HTR1D: variants seen among roughly 807,000 people sequenced by gnomAD.
HTR1D encodes the protein 5-HT-1D.
A neutral mutation model predicts 21.1 loss-of-function variants in HTR1D; 18 were observed. That is an observed-to-expected ratio of 0.85 (90% CI 0.59 to 1.27). The LOEUF (loss-of-function observed/expected upper bound fraction) is 1.27. Among genes scored for constraint, HTR1D ranks in the 50% most tolerant of loss-of-function variants. The pLI is 0.00. For synonymous variants in HTR1D, 196 were observed against 204.4 expected, an observed-to-expected ratio of 0.96 and a Z score of 0.35; for missense variants, 456 against 481.4, an observed-to-expected ratio of 0.95 and a Z score of 0.49.
At chr1:23,215,854 G>C (rs1644771660) in intron 1 of HTR1D, among the ~76,000 whole-genome samples, 1 of 152,204 alleles carries the variant, frequency 6.6e-6, no homozygotes, top group Admixed American at 6.5e-5. Flanking sequence ...GGCTGCACTG[G>C]GACTTACTTG....
At chr1:23,214,402 G>A (rs964540123) in intron 1 of HTR1D, among the ~76,000 whole-genome samples, 3 of 152,100 alleles carry the variant, frequency 2.0e-5, no homozygotes, top group African/African-American at 7.3e-5. Context: ...ACTCTAGCCT[G>A]GGTGACAAAG....
chr1:23,203,329 C>T (rs1644717084), intron 1 of HTR1D, among the ~76,000 whole-genome samples: 1 of 152,118 alleles, frequency 6.6e-6, no homozygotes. Context: ...GAGGTGTAAG[C>T]AAATCAGTCT....
rs1222953137 is a variant in HTR1D at position 23,217,238 on chromosome 1, T to A, written c.-783+53A>T. Among the ~76,000 whole-genome samples the A allele has an allele frequency of 6.6e-6, 1 of 151,156 alleles. No homozygotes were observed. The highest frequency in any genetic ancestry group is 2.4e-5 in the African/African-American group (1 of 41,142). On this transcript the variant is annotated intron_variant, in intron 1 of 1. Coordinates refer to ENST00000374619, the MANE Select transcript of HTR1D (RefSeq NM_000864.5). This position sits in a 1 kb window ranked among gnomAD's most constrained non-coding sequence, Gnocchi z 4.6. ...GAGGGGCGCCGCTCCCGGCCTCAGT[T>A]CCCCGCGGACGGCCGCTGGGGCCAG...
chr1:23,193,875 C>G lies in HTR1D; in HGVS notation c.345G>C (p.Leu115=), dbSNP rs1220300798. The part of the protein sequence containing the change: ...NFGQILCDIW[L]SSDITCCTAS... ...CTGTGCAGCACGTGATGTCAGAGGA[C>G]AGCCAGATGTCACACAAGATTTGGC... Residue 115 remains leucine, a synonymous_variant, in exon 2 of 2, where the codon CTG becomes CTC. Transcript: ENST00000374619. The G allele has an allele frequency of 1.2e-6, 2 of 1,614,208 alleles. No homozygotes were observed. The highest frequency in any genetic ancestry group is 1.7e-6 in the Non-Finnish European group (2 of 1,180,048).
At chr1:23,210,126 T>G (rs613395) in intron 1 of HTR1D, among the ~76,000 whole-genome samples, 1 of 152,050 alleles carries the variant, frequency 6.6e-6, no homozygotes, top group South Asian at 2.1e-4. Context: ...CTCTGTCACC[T>G]AGGCTGGAGT....
rs748241535 is a variant in HTR1D, at chr1:23,194,185, G to A, written c.35C>T (p.Pro12Leu). 6 of 1,613,814 alleles carry A rather than the reference G, an allele frequency of 3.7e-6. No homozygotes were observed. In the East Asian group the frequency reaches 1.1e-4, roughly 30 times the overall value. Residue 12 changes from proline to leucine, a missense_variant, in exon 2 of 2, where the codon CCC becomes CTC. Coordinates refer to ENST00000374619, the MANE Select transcript of HTR1D (RefSeq NM_000864.5). ...SPLNQSAEGLPQEASNRSLNA... is the reference protein window; with the variant it reads ...SPLNQSAEGLLQEASNRSLNA... ...CAGGGATCTGTTGGAGGCCTCCTGG[G>A]GAAGGCCTTCTGCTGACTGGTTCAG...
intron 1 of HTR1D, among the ~76,000 whole-genome samples, chr1:23,214,447 C>A (rs550045509): frequency 6.6e-6 from 1 of 152,144 alleles, no homozygotes; most frequent in South Asian, 2.1e-4. Flanking sequence ...TTCATTCATT[C>A]ATAAATAAAT....
chr1:23,210,212 G>A (rs1387178809), intron 1 of HTR1D, among the ~76,000 whole-genome samples: 2 of 152,032 alleles, frequency 1.3e-5, no homozygotes, highest in Non-Finnish European at 2.9e-5. Flanking sequence ...TTAGTAGCTG[G>A]GACTACAGGT....
intron 1 of HTR1D, among the ~76,000 whole-genome samples, chr1:23,206,321 C>T (rs760627964): frequency 1.3e-5 from 2 of 152,114 alleles, no homozygotes; most frequent in African/African-American, 2.4e-5. Flanking sequence ...TGAGCCAACG[C>T]GCCGGGCCCA....
rs140487257 is a variant in HTR1D at position 23,208,924 on chromosome 1, T to C, written c.-783+8367A>G. Among the ~76,000 whole-genome samples, 187 of 151,748 alleles carry C rather than the reference T, an allele frequency of 1.2e-3. 2 individuals carry two copies. Among genetic ancestry groups the C allele is most frequent in the Admixed American group, 0.011 (174 of 15,240 alleles). ...AAAAGAATATAAAATATCTCACTAA[T>C]AAATGTATTAGTTACATGTTGAAAT... is the stretch of plus-strand genomic sequence containing the variant. On this transcript the variant is annotated intron_variant, in intron 1 of 1. Coordinates refer to ENST00000374619, the MANE Select transcript of HTR1D (RefSeq NM_000864.5).
chr1:23,193,406 G>A lies in HTR1D; in HGVS notation c.814C>T (p.Leu272Phe). Residue 272 changes from leucine to phenylalanine, a missense_variant, in exon 2 of 2, where the codon CTC (leucine) becomes TTC (phenylalanine). By Grantham distance (22) the Leu-to-Phe change is conservative. Transcript: ENST00000374619. ...EGHSHSAGSP[L>F]FFNHVKIKLA... ...TTGATTTTCACGTGGTTGAAAAAGA[G>A]AGGGGAGCCAGCCGAGTGCGAGTGC... 6.2e-7 allele frequency: 1 copy of A among 1,614,250 alleles called. No individual in the cohort carries two copies. Among genetic ancestry groups the A allele is most frequent in the Non-Finnish European group, 8.5e-7 (1 of 1,180,048 alleles).
At chr1:23,202,851 G>C (rs1347071993) in intron 1 of HTR1D, among the ~76,000 whole-genome samples, 3 of 152,124 alleles carry the variant, frequency 2.0e-5, no homozygotes, top group Non-Finnish European at 4.4e-5. Context: ...AGGGTATCAA[G>C]TCTACCTCCC....
intron 1 of HTR1D, among the ~76,000 whole-genome samples, chr1:23,198,229 A>T (rs1237299969): frequency 9.9e-5 from 15 of 151,212 alleles, no homozygotes; most frequent in African/African-American, 3.6e-4. Flanking sequence ...AGCCGGGCAC[A>T]GTGGTGGGCG....
chr1:23,196,590 C>A (rs1221238019), intron 1 of HTR1D, among the ~76,000 whole-genome samples: 3 of 152,116 alleles, frequency 2.0e-5, no homozygotes, highest in Admixed American at 6.6e-5. Flanking sequence ...TCCTAAGCCA[C>A]CAACTCCAAA....
intron 1 of HTR1D, among the ~76,000 whole-genome samples, chr1:23,209,883 G>A (rs371470248): frequency 1.7e-4 from 26 of 152,222 alleles, no homozygotes; most frequent in African/African-American, 6.0e-4. Flanking sequence ...ATCTGTACTG[G>A]GTACCTGTGA....
chr1:23,208,058 C>T (rs767899568), intron 1 of HTR1D, among the ~76,000 whole-genome samples: 1 of 152,130 alleles, frequency 6.6e-6, no homozygotes, highest in Admixed American at 6.5e-5. Flanking sequence ...CCACTGCACC[C>T]GGCCTGCAAG....
chr1:23,206,649 C>T (rs867744290), intron 1 of HTR1D, among the ~76,000 whole-genome samples: 13 of 152,246 alleles, frequency 8.5e-5, no homozygotes, highest in South Asian at 2.1e-4. Context: ...CCCTGGCTAC[C>T]TAATTCCAAG....
At chr1:23,202,712 A>C (rs1053526060) in intron 1 of HTR1D, among the ~76,000 whole-genome samples, 3 of 152,172 alleles carry the variant, frequency 2.0e-5, no homozygotes, top group Admixed American at 1.3e-4. Context: ...CTCTGGATGG[A>C]GAAATCACTC....
rs1644668299 is a variant in HTR1D at position 23,193,368 on chromosome 1, A to C, written c.852T>G (p.Ser284Arg). ...CAGAAATCCTCTTGCGTTCCAGGGCACTGTCAGCAAGCTTGATTTTCACGT... is the reference window on the plus strand; with the variant it reads ...CAGAAATCCTCTTGCGTTCCAGGGCCCTGTCAGCAAGCTTGATTTTCACGT... Reference protein sequence around the residue: ...FNHVKIKLADSALERKRISAA... With the variant: ...FNHVKIKLADRALERKRISAA... The change falls in exon 2 of 2, where the codon AGT becomes AGG. Residue 284 changes from serine (S) to arginine (R), a missense_variant. Ser to Arg is a moderately radical substitution (Grantham distance 110). Transcript: ENST00000374619. The C allele has an allele frequency of 6.2e-7, 1 of 1,614,202 alleles. No individual in the cohort carries two copies. Among genetic ancestry groups the C allele is most frequent in the East Asian group, 2.2e-5 (1 of 44,876 alleles).
Sources: allele counts gnomAD v4.1 joint callset (sites outside exome capture counted in the v4.1 genomes callset), GRCh38; gene constraint gnomAD v4.1.1; non-coding constraint Gnocchi (gnomAD v3.1); transcripts MANE v1.5; gene names NCBI Gene and HGNC (gene_info 2026-07-23, HGNC 2026-07-21).